ARHGEF3: variants seen among roughly 807,000 people sequenced by gnomAD.
ARHGEF3 encodes Rho guanine nucleotide exchange factor 3.
A neutral mutation model predicts 63.2 loss-of-function variants in ARHGEF3; 28 were observed. The observed-to-expected ratio is 0.44, with a 90% CI of 0.33 to 0.61. ARHGEF3 has a LOEUF of 0.61. ARHGEF3 is among the 20% of genes least tolerant of loss of function. The probability of loss-of-function intolerance (pLI) is 0.03; values close to 1 mark genes in which losing one functional copy is unlikely to be tolerated. For missense variants in ARHGEF3, 533 were observed against 659.3 expected (o/e 0.81, Z 2.10); for synonymous variants, 266 against 254.2 (o/e 1.05, Z -0.44).
chr3:57,022,077 C>G (rs1046502220), intron 2 of ARHGEF3, among the ~76,000 whole-genome samples: 1 of 152,104 alleles, frequency 6.6e-6, no homozygotes, highest in Non-Finnish European at 1.5e-5. Flanking sequence ...TCAAGATCAG[C>G]CTGGGTAACC....
At chr3:56,990,136 C>T (rs1701693957) in intron 2 of ARHGEF3, among the ~76,000 whole-genome samples, 1 of 152,198 alleles carries the variant, frequency 6.6e-6, no homozygotes, top group Admixed American at 6.5e-5. Context: ...CATCAGTTTC[C>T]ATATGCAAAG....
intron 4 of ARHGEF3, among the ~76,000 whole-genome samples, chr3:56,815,428 T>G (rs2038233170): frequency 6.6e-6 from 1 of 152,190 alleles, no homozygotes; most frequent in Non-Finnish European, 1.5e-5. Flanking sequence ...TGTCTAAAAT[T>G]AGCATGTTTG....
chr3:56,890,931 T>C (rs893193872), intron 3 of ARHGEF3, among the ~76,000 whole-genome samples: 2 of 152,208 alleles, frequency 1.3e-5, no homozygotes, highest in Non-Finnish European at 2.9e-5. Flanking sequence ...ACCTTTTTGA[T>C]TTATCTCTTT....
At chr3:57,017,032 T>TCTCTCTCTCTCACACACA (rs1221332567) in intron 2 of ARHGEF3, among the ~76,000 whole-genome samples, 1 of 104,316 alleles carries the variant, frequency 9.6e-6, no homozygotes, top group African/African-American at 3.6e-5. Context: ...TCTCTCTCTC[T>TCTCTCTCTCTCACACACA]CACACACACA....
chr3:57,042,690 A>ATTTTTTTTTT (rs1271376418), intron 1 of ARHGEF3, among the ~76,000 whole-genome samples: 6 of 13,096 alleles, frequency 4.6e-4, no homozygotes, highest in African/African-American at 6.1e-4. Flanking sequence ...ATATATATAT[A>ATTTTTTTTTT]TATATATATA....
intron 1 of ARHGEF3, among the ~76,000 whole-genome samples, chr3:56,788,350 G>A (rs893749961): frequency 3.3e-5 from 5 of 152,102 alleles, no homozygotes; most frequent in Non-Finnish European, 5.9e-5. Context: ...TTGTCGTGTT[G>A]TTAATGACTT....
At chr3:56,863,014 T>C (rs1467354066) in intron 4 of ARHGEF3, among the ~76,000 whole-genome samples, 2 of 152,194 alleles carry the variant, frequency 1.3e-5, no homozygotes, top group Non-Finnish European at 2.9e-5. Context: ...GTTAAGTGTA[T>C]ACAGTGGTGC....
At chr3:56,877,374 TC>T (rs2040620033) in intron 4 of ARHGEF3, among the ~76,000 whole-genome samples, 1 of 134,774 alleles carries the variant, frequency 7.4e-6, no homozygotes, top group South Asian at 2.6e-4. Flanking sequence ...TGTACTATAA[TC>T]CTTTTTTTTT....
At chr3:57,066,503 T>A (rs1705546489) in intron 1 of ARHGEF3, among the ~76,000 whole-genome samples, 1 of 152,216 alleles carries the variant, frequency 6.6e-6, no homozygotes, top group South Asian at 2.1e-4. Context: ...CCTCAAGTGA[T>A]CCATCCGCCT....
intron 4 of ARHGEF3, among the ~76,000 whole-genome samples, chr3:56,851,505 A>T (rs1185019136): frequency 6.6e-6 from 1 of 152,180 alleles, no homozygotes; most frequent in Non-Finnish European, 1.5e-5. Flanking sequence ...CACCCACCTC[A>T]GCCTCCCAAG....
chr3:56,921,223 C>CA lies in ARHGEF3; in HGVS notation c.129+37599dup, dbSNP rs112317288. 3.2e-3 allele frequency among the ~76,000 whole-genome samples: 460 copies of CA among 142,132 alleles called. 4 individuals are homozygous for CA. The highest frequency in any genetic ancestry group is 0.024 in the East Asian group (121 of 4,978). The allele number at this position is 142,132 out of a possible 152,430, so 93.2% of individuals were successfully genotyped here. ...TCCATAAAAAGAAAAAAAAAAAGACCAAAAAAAAAAAGGTTGGAAAAAATC... is the reference window on the plus strand; with the variant it reads ...TCCATAAAAAGAAAAAAAAAAAGACCAAAAAAAAAAAAGGTTGGAAAAAATC... On this transcript the variant is annotated intron_variant, in intron 3 of 12. Coordinates refer to the ARHGEF3 transcript ENST00000338458.
intron 2 of ARHGEF3, among the ~76,000 whole-genome samples, chr3:57,018,985 G>GA (rs1179956396): frequency 1.6e-4 from 23 of 146,290 alleles, no homozygotes; most frequent in African/African-American, 2.2e-4. Context: ...AGATTTTCCA[G>GA]AAAAAAAAAA....
chr3:56,967,375 TA>T (rs1478510735), intron 2 of ARHGEF3, among the ~76,000 whole-genome samples: 1 of 74,908 alleles, frequency 1.3e-5, no homozygotes, highest in Non-Finnish European at 2.2e-5. Flanking sequence ...TTATATATTA[TA>T]TATTATACAT....
At chr3:56,979,043 C>T (rs1701226893) in intron 2 of ARHGEF3, among the ~76,000 whole-genome samples, 1 of 152,196 alleles carries the variant, frequency 6.6e-6, no homozygotes, top group Non-Finnish European at 1.5e-5. Context: ...GTAGTCCCAA[C>T]TACTTGGAAG....
chr3:57,014,034 A>C (rs977283819), intron 2 of ARHGEF3, among the ~76,000 whole-genome samples: 3 of 151,958 alleles, frequency 2.0e-5, no homozygotes, highest in African/African-American at 7.3e-5. Flanking sequence ...GAGCTGTAAC[A>C]CTCACCGCGA....
In ARHGEF3 at chr3:56,753,489, T is replaced by C. The variant is rs1176797130; in HGVS notation, c.438+15A>G. Reference sequence around the variant, plus strand: ...AATGTGACTTGACTCAAGTGACTGCTGGATTTAAATTTACCTTTTTTGCTA... The same window carrying C: ...AATGTGACTTGACTCAAGTGACTGCCGGATTTAAATTTACCTTTTTTGCTA... On this transcript the variant is annotated intron_variant, in intron 4 of 9. Transcript: ENST00000296315. The C allele has an allele frequency of 2.5e-6, 4 of 1,612,192 alleles. No individual in the cohort carries two copies. The highest frequency in any genetic ancestry group is 1.7e-5 in the Admixed American group (1 of 59,738).
chr3:57,028,980 G>GACACACAC (rs58006138), intron 2 of ARHGEF3, among the ~76,000 whole-genome samples: 11,332 of 142,134 alleles, frequency 0.08, 475 homozygotes, highest in Admixed American at 0.095. Flanking sequence ...TAATGGTGAA[G>GACACACAC]ACACACACAC....
chr3:56,737,145 G>A lies in ARHGEF3; in HGVS notation c.1041+40C>T, dbSNP rs200514360. ...TCCACACCAAATGAATTAGGGATAC[G>A]GGAGGCGGATAAGACTGCTTAAAGG... On this transcript the variant is annotated intron_variant, in intron 8 of 9. Coordinates refer to ENST00000296315, the MANE Select transcript of ARHGEF3 (RefSeq NM_019555.3). The A allele has an allele frequency of 2.0e-4, 304 of 1,547,728 alleles. 1 individual carries two copies. In the Middle Eastern group the frequency reaches 7.5e-3, roughly 38 times the overall value.
intron 1 of ARHGEF3, chr3:56,775,824 C>T (rs1450616782): frequency 3.8e-6 from 1 of 265,938 alleles, no homozygotes; most frequent in Admixed American, 6.7e-5. Flanking sequence ...ACACACACTG[C>T]CTCTTAAGCA....
Sources: allele counts gnomAD v4.1 joint callset (sites outside exome capture counted in the v4.1 genomes callset), GRCh38; gene constraint gnomAD v4.1.1; transcripts MANE v1.5; gene names NCBI Gene and HGNC (gene_info 2026-07-23, HGNC 2026-07-21).